Variants in MSRA observed in about 807,000 individuals in gnomAD.
The protein encoded by MSRA is methionine sulfoxide reductase A.
MSRA carries 54 observed loss-of-function variants against 31.3 expected under a neutral mutation model. The ratio of observed to expected loss-of-function variants is 1.73; its 90% CI spans 1.39 to 2.17. The LOEUF (loss-of-function observed/expected upper bound fraction) is 2.17, where lower values mean the gene tolerates loss of function less well. MSRA is among the 30% of genes most tolerant of loss of function. The pLI is 0.00. For synonymous variants in MSRA, 169 were observed against 116.5 expected (o/e 1.45, Z -2.90); for missense variants, 507 against 300.9 (o/e 1.69, Z -5.07).
intron 1 of MSRA, among the ~76,000 whole-genome samples, chr8:10,104,173 C>G (rs1799720860): frequency 6.6e-6 from 1 of 152,200 alleles, no homozygotes; most frequent in East Asian, 1.9e-4. Flanking sequence ...CCCTCCTACA[C>G]ATCTGGGTGA....
chr8:10,403,655 T>C (rs1025790365), intron 5 of MSRA, among the ~76,000 whole-genome samples: 3 of 152,256 alleles, frequency 2.0e-5, no homozygotes, highest in African/African-American at 7.2e-5. Context: ...CACAGAGGCC[T>C]GGCTCATGGG....
At chr8:10,239,888 G>A (rs10088365) in intron 2 of MSRA, among the ~76,000 whole-genome samples, 20,060 of 128,462 alleles carry the variant, frequency 0.16, 1,527 homozygotes, top group East Asian at 0.33. Context: ...GTGTCCTGGA[G>A]TCCGGCACCC....
rs190182905 is a variant in MSRA at position 10,254,215 on chromosome 8, C to T, written c.331+8992C>T. 2.7e-3 allele frequency among the ~76,000 whole-genome samples: 405 copies of T among 152,320 alleles called. 1 individual carries two copies. Among genetic ancestry groups the T allele is most frequent in the Admixed American group, 4.9e-3 (75 of 15,310 alleles). ...TCTTTGAGAATGGGAGGTAGCATCA[C>T]GTCTCTGACTGGAGCGTTCTGATGA... On this transcript the variant is annotated intron_variant, in intron 3 of 5. Coordinates refer to ENST00000317173, the MANE Select transcript of MSRA (RefSeq NM_012331.5).
At chr8:10,369,885 G>A (rs940047853) in intron 5 of MSRA, among the ~76,000 whole-genome samples, 2 of 152,120 alleles carry the variant, frequency 1.3e-5, no homozygotes, top group Non-Finnish European at 2.9e-5. Context: ...GATAAAAGAG[G>A]AACAATCATT....
intron 4 of MSRA, among the ~76,000 whole-genome samples, chr8:10,316,852 G>A (rs188819800): frequency 3.9e-5 from 6 of 152,170 alleles, no homozygotes; most frequent in East Asian, 1.9e-4. Flanking sequence ...GGAGGACTTC[G>A]GGACACCATG....
intron 1 of MSRA, among the ~76,000 whole-genome samples, chr8:10,060,948 G>C (rs1039165150): frequency 1.3e-5 from 2 of 152,146 alleles, no homozygotes; most frequent in African/African-American, 4.8e-5. Flanking sequence ...GAAAATGATA[G>C]AAAACAGTTT....
At chr8:10,069,629 G>T (rs566140504) in intron 1 of MSRA, among the ~76,000 whole-genome samples, 2 of 152,190 alleles carry the variant, frequency 1.3e-5, no homozygotes, top group Non-Finnish European at 2.9e-5. Context: ...ACAGAAAAGT[G>T]AGCTAGCTGA....
intron 3 of MSRA, among the ~76,000 whole-genome samples, chr8:10,264,396 A>T (rs1003712638): frequency 2.0e-5 from 3 of 152,268 alleles, no homozygotes; most frequent in African/African-American, 7.2e-5. Flanking sequence ...AAATGATTGC[A>T]AGATATATTT....
intron 1 of MSRA, among the ~76,000 whole-genome samples, chr8:10,073,408 G>C (rs1017299942): frequency 6.6e-6 from 1 of 152,090 alleles, no homozygotes; most frequent in Admixed American, 6.6e-5. Context: ...CTGTGTCTGC[G>C]TTCTCAGTGT....
intron 1 of MSRA, among the ~76,000 whole-genome samples, chr8:10,077,045 TAAAAA>T (rs543152237): frequency 8.6e-5 from 12 of 139,108 alleles, no homozygotes; most frequent in African/African-American, 3.0e-4. Flanking sequence ...CCTCAGAACT[TAAAAA>T]AAAAAAAAAA....
intron 5 of MSRA, among the ~76,000 whole-genome samples, chr8:10,396,876 C>A (rs1243218570): frequency 6.6e-6 from 1 of 152,224 alleles, no homozygotes; most frequent in Admixed American, 6.5e-5. Flanking sequence ...AGCCTCCCAG[C>A]CAGAATTATT....
Position 10,423,680 on chromosome 8 carries a change from A to G in MSRA, c.544-4468A>G, listed in dbSNP as rs117507861. On this transcript the variant is annotated intron_variant, in intron 5 of 5. Transcript: ENST00000317173. ...GCATTCTTCTGTGCTCCCTGCAAGG[A>G]CACAGCACCACAGGGCCACCATCTA... is the stretch of plus-strand genomic sequence containing the variant. 7.8e-3 allele frequency among the ~76,000 whole-genome samples: 1,185 copies of G among 152,324 alleles called. 8 individuals carry two copies. The highest frequency in any genetic ancestry group is 0.013 in the Non-Finnish European group (864 of 68,028).
chr8:10,379,520 C>T (rs1805939629), intron 5 of MSRA, among the ~76,000 whole-genome samples: 1 of 152,188 alleles, frequency 6.6e-6, no homozygotes, highest in African/African-American at 2.4e-5. Flanking sequence ...ATTTCCTGAG[C>T]ATCCTGGTCT....
At chr8:10,373,967 C>T (rs1000111200) in intron 5 of MSRA, among the ~76,000 whole-genome samples, 1 of 152,210 alleles carries the variant, frequency 6.6e-6, no homozygotes, top group African/African-American at 2.4e-5. Flanking sequence ...GGGCTGGACC[C>T]AAGGGCAGAT....
At chr8:10,073,169 C>T (rs1797827573) in intron 1 of MSRA, among the ~76,000 whole-genome samples, 1 of 152,130 alleles carries the variant, frequency 6.6e-6, no homozygotes, top group Non-Finnish European at 1.5e-5. Flanking sequence ...GTATTGAGAG[C>T]AGACATGCTT....
At chr8:10,241,079 G>A (rs1812373584) in intron 2 of MSRA, among the ~76,000 whole-genome samples, 1 of 152,086 alleles carries the variant, frequency 6.6e-6, no homozygotes, top group Non-Finnish European at 1.5e-5. Flanking sequence ...ATAATCTGGT[G>A]GGTCTGATGG....
intron 4 of MSRA, among the ~76,000 whole-genome samples, chr8:10,318,071 A>G (rs185707398): frequency 2.3e-4 from 35 of 152,294 alleles, no homozygotes; most frequent in African/African-American, 8.4e-4. Flanking sequence ...CCCCCTCCCC[A>G]GCAGGTACCC....
intron 5 of MSRA, chr8:10,337,596 G>C (rs1250154836): frequency 3.1e-6 from 2 of 654,078 alleles, no homozygotes; most frequent in African/African-American, 1.8e-5. Context: ...TCTGTCTCTG[G>C]AAGTTGGTTA....
chr8:10,132,382 C>T (rs1801958990), intron 1 of MSRA, among the ~76,000 whole-genome samples: 1 of 152,198 alleles, frequency 6.6e-6, no homozygotes, highest in Admixed American at 6.5e-5. Flanking sequence ...ATCACTAAGC[C>T]TGGGGTCTGG....
Sources: gnomAD v4.1 joint callset for allele counts (sites outside exome capture counted in the v4.1 genomes callset) on GRCh38, gnomAD v4.1.1 for gene constraint, MANE v1.5 for transcripts, NCBI Gene and HGNC (gene_info 2026-07-23, HGNC 2026-07-21) for gene names.